The following BRINP2 variants were observed in gnomAD, a reference collection of about 807,000 sequenced individuals.
BRINP2 encodes BMP/retinoic acid inducible neural specific 2, also known as BMP/retinoic acid-inducible neural-specific protein 2.
BRINP2 carries 21 observed loss-of-function variants against 69.2 expected under a neutral mutation model. The observed-to-expected ratio is 0.30, with a 90% CI of 0.22 to 0.44. The LOEUF (loss-of-function observed/expected upper bound fraction) is 0.44, where lower values mean the gene tolerates loss of function less well. BRINP2 is among the 20% of genes least tolerant of loss of function. BRINP2 has a pLI of 1.00. For synonymous variants in BRINP2, 380 were observed against 394.1 expected, an observed-to-expected ratio of 0.96 and a Z score of 0.42; for missense variants, 877 against 986.0, an observed-to-expected ratio of 0.89 and a Z score of 1.48.
At chr1:177,280,358 T>G (rs773339747) in intron 7 of BRINP2, 54 bp from the exon 8 acceptor site, 1 of 1,498,670 alleles carries the variant, frequency 6.7e-7, no homozygotes, top group Non-Finnish European at 9.0e-7. Flanking sequence ...TTAAGAAGGG[T>G]GTCAGTGTGT....
chr1:177,183,834 G>A (rs1648337743), intron 1 of BRINP2, among the ~76,000 whole-genome samples: 1 of 152,066 alleles, frequency 6.6e-6, no homozygotes, highest in Non-Finnish European at 1.5e-5. Flanking sequence ...GGTTCCTCTG[G>A]TTTACAGTTC....
intron 1 of BRINP2, among the ~76,000 whole-genome samples, chr1:177,179,849 A>G (rs978140638): frequency 1.3e-5 from 2 of 152,134 alleles, no homozygotes; most frequent in Non-Finnish European, 2.9e-5. Flanking sequence ...TGATTCTGAG[A>G]TGCTGGCAGT....
intron 2 of BRINP2, 91 bp from the exon 3 acceptor site, chr1:177,255,826 GCA>G: frequency 7.6e-7 from 1 of 1,311,548 alleles, no homozygotes; most frequent in East Asian, 2.3e-5. Flanking sequence ...ATGAGTGGCT[GCA>G]AGTGGAGGAA....
At chr1:177,256,137 T>C (rs759399515) in intron 3 of BRINP2, 28 bp downstream of exon 3, 15 of 1,607,494 alleles carry the variant, frequency 9.3e-6, no homozygotes, top group African/African-American at 2.7e-5. Flanking sequence ...CCCAAGCTAA[T>C]TGGTTGCCAG....
chr1:177,281,149 A>C lies in BRINP2; in HGVS notation c.1973A>C (p.Asn658Thr), dbSNP rs1338285346. The C allele has an allele frequency of 6.2e-7, 1 of 1,614,212 alleles. No homozygotes were observed. The highest frequency in any genetic ancestry group is 8.5e-7 in the Non-Finnish European group (1 of 1,180,038). The change falls in exon 8 of 8, where the codon AAT (asparagine) becomes ACT (threonine). Residue 658 changes from asparagine (N) to threonine (T), a missense_variant. By Grantham distance (65) the Asn-to-Thr change is moderately conservative. Around this residue, in one of 3 missense-constraint regions of BRINP2, gnomAD observed 225 missense variants for 218.7 expected, o/e 1.03. Transcript: ENST00000361539. ...SRIKSLDDSS[N>T]ETIYYEPLEM... ...ATCAAGTCCCTGGATGACAGCTCCA[A>C]TGAGACAATCTACTATGAGCCCCTG...
Position 177,174,356 on chromosome 1 carries a change from G to A in BRINP2, c.-77+2624G>A, listed in dbSNP as rs910267941. On this transcript the variant is annotated intron_variant, in intron 1 of 7. Coordinates refer to ENST00000361539, the MANE Select transcript of BRINP2 (RefSeq NM_021165.4). ...TACAATGACACAAGGTTTCTCCTCC[G>A]GGACTAACTTAAAAGCAGTGAAGAA... is the stretch of plus-strand genomic sequence containing the variant. Among the ~76,000 whole-genome samples, 10 of 152,176 alleles carry A rather than the reference G, an allele frequency of 6.6e-5. No homozygotes were observed. In the South Asian group the frequency reaches 1.5e-3, roughly 22 times the overall value.
In BRINP2 at chr1:177,214,434, G is replaced by GA. The variant is rs544396096; in HGVS notation, c.-76-15358dup. On this transcript the variant is annotated intron_variant, in intron 1 of 7. Transcript: ENST00000361539. ...AGCATAAGAGCGAAATTCCATCTTG[G>GA]AAAAAAAAAGTTAAAGAGGAATACA... Among the ~76,000 whole-genome samples the GA allele has an allele frequency of 1.5e-3, 229 of 150,938 alleles. 2 individuals carry two copies. Among genetic ancestry groups the GA allele is most frequent in the Admixed American group, 4.5e-3 (68 of 15,186 alleles).
At chr1:177,229,721 C>G in intron 1 of BRINP2, 80 bp from the exon 2 acceptor site, 1 of 1,048,094 alleles carries the variant, frequency 9.5e-7, no homozygotes, top group Non-Finnish European at 1.3e-6. Context: ...CGGAATGGGC[C>G]CAACCCAATT....
At chr1:177,217,086 G>A (rs926967404) in intron 1 of BRINP2, among the ~76,000 whole-genome samples, 10 of 151,716 alleles carry the variant, frequency 6.6e-5, no homozygotes, top group African/African-American at 2.2e-4. Flanking sequence ...CTTTAAATAT[G>A]TTTTATGGCC....
intron 4 of BRINP2, among the ~76,000 whole-genome samples, chr1:177,271,632 C>T (rs1651331803): frequency 6.6e-6 from 1 of 152,164 alleles, no homozygotes; most frequent in African/African-American, 2.4e-5. Context: ...AAGTGGGATG[C>T]TCTTGGAGGA....
At chr1:177,244,453 ATTCAGTAG>A (rs1650310247) in intron 2 of BRINP2, among the ~76,000 whole-genome samples, 1 of 152,160 alleles carries the variant, frequency 6.6e-6, no homozygotes, top group African/African-American at 2.4e-5. Flanking sequence ...AAACAGCAAA[ATTCAGTAG>A]TTTAAAAATA....
intron 1 of BRINP2, among the ~76,000 whole-genome samples, chr1:177,185,399 C>T (rs1648397564): frequency 6.6e-6 from 1 of 152,012 alleles, no homozygotes; most frequent in South Asian, 2.1e-4. Context: ...AAAGTACTGC[C>T]GTAAGGGAGA....
intron 2 of BRINP2, among the ~76,000 whole-genome samples, chr1:177,234,738 A>G (rs933064746): frequency 6.6e-6 from 1 of 152,226 alleles, no homozygotes; most frequent in Non-Finnish European, 1.5e-5. Context: ...CTCTTTTTGG[A>G]AAGGGATGGT....
chr1:177,254,812 T>C (rs535678835), intron 2 of BRINP2, among the ~76,000 whole-genome samples: 7 of 152,350 alleles, frequency 4.6e-5, no homozygotes, highest in Admixed American at 2.0e-4. Context: ...GCATTCATCC[T>C]CATGAACTTG....
chr1:177,252,803 A>G (rs1650624251), intron 2 of BRINP2, among the ~76,000 whole-genome samples: 1 of 152,064 alleles, frequency 6.6e-6, no homozygotes, highest in South Asian at 2.1e-4. Flanking sequence ...AGACCTACAT[A>G]TGAGTGAGGT....
rs532681362 is a variant in BRINP2 at position 177,199,211 on chromosome 1, T to G, written c.-77+27479T>G. 2.0e-4 allele frequency among the ~76,000 whole-genome samples: 31 copies of G among 152,318 alleles called. No individual in the cohort carries two copies. In the East Asian group the frequency reaches 5.6e-3, roughly 27 times the overall value. On this transcript the variant is annotated intron_variant, in intron 1 of 7. Transcript: ENST00000361539. ...TAAACTTGGCAGCATGATAATTGTC[T>G]TAGAGAGAGGAATTGTAGGCCAAAT...
intron 4 of BRINP2, among the ~76,000 whole-genome samples, chr1:177,272,627 G>A (rs1651362849): frequency 6.6e-6 from 1 of 152,244 alleles, no homozygotes; most frequent in African/African-American, 2.4e-5. Flanking sequence ...AGGTATCAGA[G>A]TGGGCTTCAC....
intron 1 of BRINP2, among the ~76,000 whole-genome samples, chr1:177,205,515 A>G (rs1649047732): frequency 6.6e-6 from 1 of 152,226 alleles, no homozygotes; most frequent in Non-Finnish European, 1.5e-5. Context: ...TCCTGAGAAG[A>G]ATGAGTACAG....
Position 177,281,667 on chromosome 1 carries a change from C to G in BRINP2, c.*139C>G. ...ATCCAGTAGATGGGACCTCGAGGCT[C>G]GAGCTGAAGCAGGCGAGAGAGAAAC... On this transcript the variant is annotated 3_prime_UTR_variant, in exon 8 of 8. Transcript: ENST00000361539. The G allele has an allele frequency of 8.6e-7, 1 of 1,156,986 alleles. No individual in the cohort carries two copies. The highest frequency in any genetic ancestry group is 1.2e-6 in the Non-Finnish European group (1 of 828,726). The allele number at this position is 1,156,986 out of a possible 1,614,324, so 71.7% of individuals were successfully genotyped here. A position where few individuals can be genotyped will look rare whatever the true frequency, so the allele number is the denominator to read the frequency against.
Sources: allele counts gnomAD v4.1 joint callset (sites outside exome capture counted in the v4.1 genomes callset), GRCh38; gene constraint gnomAD v4.1.1; regional missense constraint gnomAD v4.1.1; transcripts MANE v1.5; gene names NCBI Gene and HGNC (gene_info 2026-07-23, HGNC 2026-07-21).